The following NELL1 variants were observed in gnomAD, a reference collection of about 807,000 sequenced individuals.
NELL1 encodes the protein protein kinase C-binding protein NELL1.
NELL1 carries 76 observed loss-of-function variants against 107.4 expected under a neutral mutation model. The observed-to-expected ratio is 0.71, with a 90% confidence interval of 0.59 to 0.86. NELL1 has a LOEUF of 0.86. NELL1 is among the 40% of genes least tolerant of loss of function. The pLI is 0.00. For missense variants in NELL1, 1,024 were observed against 1,005.5 expected (o/e 1.02, Z -0.25); for synonymous variants, 353 against 341.2 (o/e 1.03, Z -0.38).
chr11:21,221,505 A>C (rs564112389), intron 13 of NELL1, among the ~76,000 whole-genome samples: 3 of 152,204 alleles, frequency 2.0e-5, no homozygotes, highest in East Asian at 3.8e-4. Context: ...GAAGGCATCC[A>C]TTCCCAGGGT....
intron 3 of NELL1, among the ~76,000 whole-genome samples, chr11:20,833,257 G>C (rs1267671846): frequency 6.6e-6 from 1 of 151,982 alleles, no homozygotes; most frequent in South Asian, 2.1e-4. Context: ...AATAACTAAA[G>C]TGGTATGTGG....
chr11:21,318,534 C>G (rs1387773496), intron 14 of NELL1, among the ~76,000 whole-genome samples: 10 of 152,160 alleles, frequency 6.6e-5, no homozygotes, highest in Admixed American at 2.0e-4. Flanking sequence ...CGGCCCCACT[C>G]GAGAACTCCT....
chr11:20,920,673 A>G (rs1056261320), intron 7 of NELL1, among the ~76,000 whole-genome samples: 1 of 152,122 alleles, frequency 6.6e-6, no homozygotes, highest in Admixed American at 6.6e-5. Context: ...AACAAGAAAC[A>G]TGCCACTCTG....
intron 2 of NELL1, among the ~76,000 whole-genome samples, chr11:20,700,200 G>C (rs907121182): frequency 3.3e-5 from 5 of 152,112 alleles, no homozygotes; most frequent in African/African-American, 1.2e-4. Context: ...ATTTCAATAG[G>C]CTGGGTGCAG....
chr11:21,398,910 T>C (rs973302568), intron 15 of NELL1, among the ~76,000 whole-genome samples: 25 of 151,780 alleles, frequency 1.6e-4, no homozygotes, highest in African/African-American at 6.0e-4. Flanking sequence ...ATGATTTTCA[T>C]AGAACTAATT....
At chr11:21,056,001 G>A (rs1853606411) in intron 12 of NELL1, among the ~76,000 whole-genome samples, 2 of 152,142 alleles carry the variant, frequency 1.3e-5, no homozygotes. Flanking sequence ...CAGTTACTGA[G>A]CACTATCAGT....
At chr11:20,946,291 C>G (rs1420041696) in intron 10 of NELL1, among the ~76,000 whole-genome samples, 1 of 152,134 alleles carries the variant, frequency 6.6e-6, no homozygotes, top group Non-Finnish European at 1.5e-5. Flanking sequence ...GATGCCTCTT[C>G]TTGAGCTTGC....
chr11:21,375,365 G>T (rs548355779), intron 15 of NELL1, among the ~76,000 whole-genome samples: 2 of 152,114 alleles, frequency 1.3e-5, no homozygotes, highest in South Asian at 4.2e-4. Flanking sequence ...TCATCCATGT[G>T]TCTGCAAAGG....
intron 12 of NELL1, among the ~76,000 whole-genome samples, chr11:21,099,229 ACAC>A (rs1854739669): frequency 7.2e-6 from 1 of 139,348 alleles, no homozygotes; most frequent in African/African-American, 2.9e-5. Context: ...ACACACACAC[ACAC>A]AAACACACAC....
At chr11:21,043,269 G>A (rs1458487327) in intron 12 of NELL1, among the ~76,000 whole-genome samples, 3 of 152,164 alleles carry the variant, frequency 2.0e-5, no homozygotes, top group African/African-American at 7.2e-5. Context: ...TAACAGTAAA[G>A]AGATTGAAAA....
At chr11:20,928,649 T>C (rs1341760709) in intron 9 of NELL1, among the ~76,000 whole-genome samples, 170 bp downstream of exon 9, 2 of 152,228 alleles carry the variant, frequency 1.3e-5, no homozygotes, top group Admixed American at 1.3e-4. Flanking sequence ...TCACTTGCAA[T>C]GTGGCAGACA....
At chr11:20,904,644 C>T (rs1286897190) in intron 5 of NELL1, among the ~76,000 whole-genome samples, 3 of 152,096 alleles carry the variant, frequency 2.0e-5, no homozygotes, top group Non-Finnish European at 4.4e-5. Context: ...GACTTGAGAA[C>T]ACCCAAAGCT....
chr11:20,999,721 CAA>C (rs5790153), intron 12 of NELL1, among the ~76,000 whole-genome samples: 4 of 138,358 alleles, frequency 2.9e-5, no homozygotes, highest in Admixed American at 7.3e-5. Context: ...GGTACCCTTG[CAA>C]AAAAAAAAAA....
chr11:20,814,196 G>A (rs980662207), intron 3 of NELL1, among the ~76,000 whole-genome samples: 18 of 152,086 alleles, frequency 1.2e-4, no homozygotes, highest in East Asian at 1.9e-4. Context: ...GGGTTTCACC[G>A]TGTTAGCCAG....
chr11:21,407,285 G>A (rs1162390148), intron 15 of NELL1, among the ~76,000 whole-genome samples: 5 of 151,880 alleles, frequency 3.3e-5, no homozygotes, highest in Non-Finnish European at 7.4e-5. Context: ...GCATGATGGC[G>A]CATGCCTGTA....
intron 13 of NELL1, among the ~76,000 whole-genome samples, chr11:21,211,443 G>C (rs893540625): frequency 6.6e-5 from 10 of 152,170 alleles, no homozygotes; most frequent in African/African-American, 2.4e-4. Context: ...ACTGGGCTGA[G>C]AGTAATGTTA....
intron 3 of NELL1, among the ~76,000 whole-genome samples, chr11:20,810,099 G>T (rs1857467758): frequency 6.6e-6 from 1 of 151,598 alleles, no homozygotes; most frequent in African/African-American, 2.4e-5. Flanking sequence ...GATGATTAGT[G>T]ATGTCAAGCT....
At chr11:20,945,438 C>T (rs190056719) in intron 10 of NELL1, among the ~76,000 whole-genome samples, 2 of 152,336 alleles carry the variant, frequency 1.3e-5, no homozygotes, top group Admixed American at 1.3e-4. Context: ...AAAATGGCTC[C>T]ATTGCCCAAG....
Position 20,905,434 on chromosome 11 carries a change from C to T in NELL1, c.604-12748C>T, listed in dbSNP as rs189207938. ...AAGGAACAAAATAAATGAATAGAAA[C>T]TATTCCTGAGGAAGCACAGATGTTG... On this transcript the variant is annotated intron_variant, in intron 5 of 19. Coordinates refer to ENST00000357134, the MANE Select transcript of NELL1 (RefSeq NM_006157.5). Among the ~76,000 whole-genome samples, 58 of 152,180 alleles carry T rather than the reference C, an allele frequency of 3.8e-4. 1 individual carries two copies. Among genetic ancestry groups the T allele is most frequent in the African/African-American group, 1.4e-3 (57 of 41,526 alleles).
Sources: gnomAD v4.1 joint callset for allele counts (sites outside exome capture counted in the v4.1 genomes callset) on GRCh38, gnomAD v4.1.1 for gene constraint, MANE v1.5 for transcripts, NCBI Gene and HGNC (gene_info 2026-07-23, HGNC 2026-07-21) for gene names.